Variants in ZFR observed in about 807,000 individuals in gnomAD.
ZFR encodes the protein zinc finger RNA-binding protein.
A neutral mutation model predicts 130.7 loss-of-function variants in ZFR; 19 were observed. The ratio of observed to expected loss-of-function variants is 0.15; its 90% CI spans 0.10 to 0.21. The LOEUF (loss-of-function observed/expected upper bound fraction) is 0.21. Among genes scored for constraint, ZFR ranks in the 10% least tolerant of loss-of-function variants. The probability of loss-of-function intolerance (pLI) is 1.00; values close to 1 mark genes in which losing one functional copy is unlikely to be tolerated. For synonymous variants in ZFR, 466 were observed against 456.9 expected (o/e 1.02, Z -0.25); for missense variants, 872 against 1,321.5 (o/e 0.66, Z 5.27).
intron 2 of ZFR, among the ~76,000 whole-genome samples, chr5:32,433,850 G>T (rs577283685): frequency 4.3e-4 from 65 of 152,338 alleles, no homozygotes; most frequent in African/African-American, 1.3e-3. Flanking sequence ...GGAGGCCAAG[G>T]CAGGCGGATC....
intron 11 of ZFR, among the ~76,000 whole-genome samples, chr5:32,391,455 A>G (rs1178872368): frequency 6.6e-6 from 1 of 151,662 alleles, no homozygotes; most frequent in Non-Finnish European, 1.5e-5. Flanking sequence ...AACACCTCTG[A>G]GCTGAACTCA....
chr5:32,435,441 C>T (rs1448764834), intron 2 of ZFR, among the ~76,000 whole-genome samples: 1 of 152,104 alleles, frequency 6.6e-6, no homozygotes, highest in Non-Finnish European at 1.5e-5. Flanking sequence ...AAATATAAAA[C>T]TAGGATAACC....
Position 32,390,151 on chromosome 5 carries a change from T to C in ZFR, c.2142+124A>G, listed in dbSNP as rs1057098163. 2.8e-5 allele frequency: 37 copies of C among 1,303,946 alleles called. No individual in the cohort carries two copies. The African/African-American group carries it at 5.0e-4, about 18-fold the overall frequency. 80.8% of individuals were successfully genotyped at this position (1,303,946 alleles called of 1,614,324 possible). A position where few individuals can be genotyped will look rare whatever the true frequency, so the allele number is the denominator to read the frequency against. On this transcript the variant is annotated intron_variant, in intron 12 of 19. Coordinates refer to ENST00000265069, the MANE Select transcript of ZFR (RefSeq NM_016107.5). ...GCCTGGGCGACAGAGCAAGACTCTG[T>C]CTCAAAAAAACTACCAAGATTACAA...
At chr5:32,376,462 T>A (rs549799384) in intron 17 of ZFR, among the ~76,000 whole-genome samples, 2 of 150,110 alleles carry the variant, frequency 1.3e-5, no homozygotes, top group Admixed American at 1.3e-4. Context: ...TTGGCCAATA[T>A]GGTGAAACCC....
intron 9 of ZFR, among the ~76,000 whole-genome samples, chr5:32,399,633 AAACT>A (rs1454773380): frequency 1.7e-4 from 26 of 152,230 alleles, no homozygotes; most frequent in African/African-American, 6.3e-4. Context: ...TTTTATCACA[AAACT>A]GACTATTCAA....
intron 2 of ZFR, among the ~76,000 whole-genome samples, chr5:32,433,838 T>C (rs1242496336): frequency 3.9e-5 from 6 of 152,108 alleles, no homozygotes; most frequent in African/African-American, 1.2e-4. Flanking sequence ...CCCTGCACTT[T>C]GGGAGGCCAA....
At chr5:32,359,210 C>T (rs931202696) in intron 19 of ZFR, among the ~76,000 whole-genome samples, 4 of 152,014 alleles carry the variant, frequency 2.6e-5, no homozygotes, top group Non-Finnish European at 5.9e-5. Context: ...CCAAAAAACC[C>T]CTAAAGCAAG....
Position 32,444,739 on chromosome 5 carries a change from A to G in ZFR, c.-81T>C. 2.7e-6 allele frequency: 4 copies of G among 1,477,354 alleles called. No homozygotes were observed. Among genetic ancestry groups the G allele is most frequent in the Non-Finnish European group, 3.6e-6 (4 of 1,113,396 alleles). The allele number at this position is 1,477,354 out of a possible 1,614,324, so 91.5% of individuals were successfully genotyped here. A position where few individuals can be genotyped will look rare whatever the true frequency, so the allele number is the denominator to read the frequency against. On this transcript the variant is annotated 5_prime_UTR_variant, in exon 1 of 20. Transcript: ENST00000265069. ...GCCCCGCTCCTCCTCAGCGGAGAAC[A>G]GACCGCCGCCTCCGACCGCACTGCG... is the stretch of plus-strand genomic sequence containing the variant.
At chr5:32,404,745 A>G (rs1246940262) in intron 6 of ZFR, among the ~76,000 whole-genome samples, 1 of 152,222 alleles carries the variant, frequency 6.6e-6, no homozygotes, top group Admixed American at 6.5e-5. Flanking sequence ...ATGATTGAGG[A>G]AGGCTGTTAA....
chr5:32,444,352 G>A, intron 1 of ZFR, 24 bp from the exon 2 acceptor site: 1 of 1,534,036 alleles, frequency 6.5e-7, no homozygotes, highest in African/African-American at 1.4e-5. Context: ...GAAGAGTCGG[G>A]TCCCATGGCG....
chr5:32,428,975 C>G (rs1289294799), intron 2 of ZFR, among the ~76,000 whole-genome samples: 1 of 91,206 alleles, frequency 1.1e-5, no homozygotes, highest in Admixed American at 1.2e-4. Flanking sequence ...CTTCTTACAT[C>G]TTTTTTTTTT....
At position 32,387,688 on chromosome 5, in the gene ZFR, C is replaced by G. The variant is rs1317440714; in HGVS notation, c.2360G>C (p.Gly787Ala). 1 of 1,608,896 alleles carries G rather than the reference C, an allele frequency of 6.2e-7. No individual in the cohort carries two copies. The highest frequency in any genetic ancestry group is 8.5e-7 in the Non-Finnish European group (1 of 1,177,368). Residue 787 changes from glycine to alanine, a missense_variant, in exon 14 of 20, where the codon GGA becomes GCA. By Grantham distance (60) the Gly-to-Ala change is moderately conservative. Coordinates refer to ENST00000265069, the MANE Select transcript of ZFR (RefSeq NM_016107.5). The stretch of plus-strand genomic sequence containing the variant: ...TGCCAATACTCCCACTCGCAAAACT[C>G]CTTTCAAAGCTCTGCAGTAAAATAA... Reference protein sequence around the residue: ...KEGGKDRALKGVLRVGVLAKG... With the variant: ...KEGGKDRALKAVLRVGVLAKG...
intron 6 of ZFR, among the ~76,000 whole-genome samples, chr5:32,406,185 T>C (rs1399455737): frequency 1.3e-5 from 2 of 152,154 alleles, no homozygotes; most frequent in African/African-American, 4.8e-5. Context: ...AACAATACAA[T>C]ACCGAAAAAG....
At chr5:32,427,322 C>CCT (rs1278267625) in intron 2 of ZFR, among the ~76,000 whole-genome samples, 1 of 135,890 alleles carries the variant, frequency 7.4e-6, no homozygotes, top group East Asian at 2.2e-4. Context: ...GAGGTCAGGG[C>CCT]TGCAGGTGGC....
chr5:32,388,821 AC>A lies in ZFR; in HGVS notation c.2143-148del, dbSNP rs1243561029. On this transcript the variant is annotated intron_variant, in intron 12 of 19. Transcript: ENST00000265069. Reference sequence around the variant, plus strand: ...CATTTCAGTAAAAACGAAAATGCAAACTATGGAAAGTTATACCATCAAGACT... The same window carrying A: ...CATTTCAGTAAAAACGAAAATGCAAATATGGAAAGTTATACCATCAAGACT... 22 of 768,006 alleles carry A rather than the reference AC, an allele frequency of 2.9e-5. No individual in the cohort carries two copies. In the Admixed American group the frequency reaches 6.5e-4, roughly 23 times the overall value. 47.6% of individuals were successfully genotyped at this position (768,006 alleles called of 1,614,324 possible). A position where few individuals can be genotyped will look rare whatever the true frequency, so the allele number is the denominator to read the frequency against.
intron 2 of ZFR, among the ~76,000 whole-genome samples, chr5:32,430,911 AC>A (rs1259094535): frequency 1.3e-5 from 2 of 152,128 alleles, no homozygotes; most frequent in Non-Finnish European, 2.9e-5. Flanking sequence ...CTCTGTCTCT[AC>A]TAAAAAATAC....
At chr5:32,361,142 T>C (rs1752422169) in intron 19 of ZFR, among the ~76,000 whole-genome samples, 1 of 152,218 alleles carries the variant, frequency 6.6e-6, no homozygotes, top group Admixed American at 6.5e-5. Flanking sequence ...GTGACTGCTG[T>C]TCACACTATT....
chr5:32,355,948 AAG>A lies in ZFR; in HGVS notation c.3046-11_3046-10del, dbSNP rs754406048. 7.6e-6 allele frequency: 12 copies of A among 1,575,992 alleles called. No individual in the cohort carries two copies. Among genetic ancestry groups the A allele is most frequent in the African/African-American group, 4.1e-5 (3 of 72,486 alleles). On this transcript the variant is annotated splice_polypyrimidine_tract_variant and intron_variant, in intron 19 of 19. Coordinates refer to ENST00000265069, the MANE Select transcript of ZFR (RefSeq NM_016107.5). ...AGGAGTCTCAATGCAAACTGCAACAAAGAGAGTCAGAATTTTGAGTTAATTGA... is the reference window on the plus strand; with the variant it reads ...AGGAGTCTCAATGCAAACTGCAACAAAGAGTCAGAATTTTGAGTTAATTGA...
At chr5:32,414,817 A>G in intron 5 of ZFR, 152 bp downstream of exon 5, 1 of 629,164 alleles carries the variant, frequency 1.6e-6, no homozygotes, top group Non-Finnish European at 2.5e-6. Context: ...TACAATTTAC[A>G]GAACAGTCAC....
Sources: gnomAD v4.1 joint callset for allele counts (sites outside exome capture counted in the v4.1 genomes callset) on GRCh38, gnomAD v4.1.1 for gene constraint, MANE v1.5 for transcripts, NCBI Gene and HGNC (gene_info 2026-07-23, HGNC 2026-07-21) for gene names.